The following RPS6KC1 variants were observed in gnomAD, a reference collection of about 807,000 sequenced individuals.
The protein encoded by RPS6KC1 is inactive ribosomal protein S6 kinase delta-1.
A neutral mutation model predicts 103.8 loss-of-function variants in RPS6KC1; 54 were observed. The ratio of observed to expected loss-of-function variants is 0.52; its 90% CI spans 0.42 to 0.65. The LOEUF (loss-of-function observed/expected upper bound fraction) is 0.65, where lower values mean the gene tolerates loss of function less well. Among genes scored for constraint, RPS6KC1 ranks in the 30% least tolerant of loss-of-function variants. RPS6KC1 has a pLI of 0.00. For missense variants in RPS6KC1, 1,151 were observed against 1,253.8 expected, an observed-to-expected ratio of 0.92 and a Z score of 1.24; for synonymous variants, 439 against 438.7, an observed-to-expected ratio of 1.00 and a Z score of -0.01.
the RPS6KC1 span, among the ~76,000 whole-genome samples, chr1:213,486,883 T>G: frequency 2.6e-5 from 4 of 152,222 alleles, no homozygotes; most frequent in Non-Finnish European, 5.9e-5. Flanking sequence ...TCTTCACCAT[T>G]TACAGCTCTC....
the RPS6KC1 span, among the ~76,000 whole-genome samples, chr1:213,420,175 C>T: frequency 0.016 from 2,428 of 152,260 alleles, 63 homozygotes; most frequent in African/African-American, 0.054. Flanking sequence ...TGTGGCTTCC[C>T]AGGTCCCTTG....
At chr1:213,712,842 C>T in the RPS6KC1 span, among the ~76,000 whole-genome samples, 2 of 152,116 alleles carry the variant, frequency 1.3e-5, no homozygotes, top group Non-Finnish European at 2.9e-5. Flanking sequence ...GTGGGCTGTA[C>T]CCACTGTCTA....
chr1:213,629,897 T>C, the RPS6KC1 span, among the ~76,000 whole-genome samples: 1 of 152,208 alleles, frequency 6.6e-6, no homozygotes, highest in Non-Finnish European at 1.5e-5. Flanking sequence ...TCTTTAAGAA[T>C]GTTGAATATT....
intron 5 of RPS6KC1, among the ~76,000 whole-genome samples, chr1:213,118,033 A>AAAAAAAAAAAAAAAAAAAAAAAC (rs2083892695): frequency 6.7e-6 from 1 of 148,604 alleles, no homozygotes; most frequent in Non-Finnish European, 1.5e-5. Flanking sequence ...AAAAAAAAAA[A>AAAAAAAAAAAAAAAAAAAAAAAC]AAAAAAGCCT....
the RPS6KC1 span, among the ~76,000 whole-genome samples, chr1:213,362,713 T>C: frequency 1.5e-3 from 224 of 152,312 alleles, no homozygotes; most frequent in African/African-American, 5.2e-3. Flanking sequence ...TCAAACATTA[T>C]TCTGGATGTT....
At chr1:213,346,606 A>G in the RPS6KC1 span, among the ~76,000 whole-genome samples, 1 of 152,156 alleles carries the variant, frequency 6.6e-6, no homozygotes, top group Non-Finnish European at 1.5e-5. Flanking sequence ...CTTTTCTTAT[A>G]TTCAGGCTGG....
the RPS6KC1 span, among the ~76,000 whole-genome samples, chr1:213,666,901 T>C: frequency 6.6e-6 from 1 of 152,364 alleles, no homozygotes; most frequent in African/African-American, 2.4e-5. Context: ...GCACGTGAGC[T>C]GGTTCTTAGT....
the RPS6KC1 span, among the ~76,000 whole-genome samples, chr1:213,672,453 C>T: frequency 6.6e-6 from 1 of 152,284 alleles, no homozygotes; most frequent in East Asian, 1.9e-4. Context: ...AAATCTTTAC[C>T]ATAGAGGACC....
At chr1:213,788,500 C>T in the RPS6KC1 span, among the ~76,000 whole-genome samples, 8 of 152,196 alleles carry the variant, frequency 5.3e-5, no homozygotes, top group East Asian at 7.7e-4. Context: ...CAAAACCCAC[C>T]GAAAACAAAA....
chr1:213,279,902 A>T, the RPS6KC1 span, among the ~76,000 whole-genome samples: 1 of 152,254 alleles, frequency 6.6e-6, no homozygotes, highest in Non-Finnish European at 1.5e-5. Context: ...ATTGAATTGG[A>T]ACTCTGAGGG....
intron 8 of RPS6KC1, among the ~76,000 whole-genome samples, chr1:213,215,294 T>G (rs2093629737): frequency 6.6e-6 from 1 of 151,958 alleles, no homozygotes; most frequent in Non-Finnish European, 1.5e-5. Flanking sequence ...GAAGATCAAA[T>G]GAATGAAATG....
At chr1:213,064,675 A>AGT (rs2078147780) in intron 1 of RPS6KC1, among the ~76,000 whole-genome samples, 1 of 63,942 alleles carries the variant, frequency 1.6e-5, no homozygotes, top group Non-Finnish European at 3.2e-5. Flanking sequence ...GCCTTTGTGA[A>AGT]CTTTTTTTTT....
At chr1:213,194,131 C>T (rs1222369536) in intron 8 of RPS6KC1, among the ~76,000 whole-genome samples, 2 of 152,174 alleles carry the variant, frequency 1.3e-5, no homozygotes, top group African/African-American at 2.4e-5. Context: ...AATATAGCTA[C>T]TTCTGCTCTG....
At chr1:213,627,822 T>C in the RPS6KC1 span, among the ~76,000 whole-genome samples, 3 of 152,362 alleles carry the variant, frequency 2.0e-5, no homozygotes, top group East Asian at 3.9e-4. Flanking sequence ...GGATTCAGTT[T>C]GCCAGTATTT....
the RPS6KC1 span, among the ~76,000 whole-genome samples, chr1:213,723,847 A>G: frequency 6.6e-6 from 1 of 151,920 alleles, no homozygotes; most frequent in Non-Finnish European, 1.5e-5. Flanking sequence ...GTGCAGAGAG[A>G]GAGACAGTAA....
the RPS6KC1 span, among the ~76,000 whole-genome samples, chr1:213,373,637 C>G: frequency 6.6e-6 from 1 of 152,212 alleles, no homozygotes; most frequent in Non-Finnish European, 1.5e-5. Flanking sequence ...ATTATCATCT[C>G]CATTTCTTAA....
chr1:213,810,680 A>T, the RPS6KC1 span, among the ~76,000 whole-genome samples: 1 of 152,054 alleles, frequency 6.6e-6, no homozygotes, highest in South Asian at 2.1e-4. Flanking sequence ...TATAATATCT[A>T]CTCCAACCAC....
the RPS6KC1 span, among the ~76,000 whole-genome samples, chr1:213,405,391 A>G: frequency 6.6e-6 from 1 of 152,194 alleles, no homozygotes; most frequent in African/African-American, 2.4e-5. Flanking sequence ...GCACTTGCTT[A>G]TTGTCCATGG....
chr1:213,753,022 T>C, the RPS6KC1 span, among the ~76,000 whole-genome samples: 2 of 152,302 alleles, frequency 1.3e-5, no homozygotes, highest in African/African-American at 2.4e-5. Context: ...TTAGAAGAGA[T>C]GTGCAAGGGG....
Sources: gnomAD v4.1 joint callset for allele counts (sites outside exome capture counted in the v4.1 genomes callset) on GRCh38, gnomAD v4.1.1 for gene constraint, MANE v1.5 for transcripts, NCBI Gene and HGNC (gene_info 2026-07-23, HGNC 2026-07-21) for gene names.